The following NUDT3 variants were observed in gnomAD, a reference collection of about 807,000 sequenced individuals.
The protein encoded by NUDT3 is nudix hydrolase 3, also known as diphosphoinositol polyphosphate phosphohydrolase 1.
In NUDT3, 9 loss-of-function variants were observed where a neutral mutation model predicts 23.6. The observed-to-expected ratio is 0.38, with a 90% CI of 0.23 to 0.66. The LOEUF is 0.66. Among genes scored for constraint, NUDT3 ranks in the 30% least tolerant of loss-of-function variants. NUDT3 has a pLI of 0.52. For synonymous variants in NUDT3, 86 were observed against 82.6 expected, an observed-to-expected ratio of 1.04 and a Z score of -0.22; for missense variants, 172 against 218.5, an observed-to-expected ratio of 0.79 and a Z score of 1.34.
rs552767170 is a variant in NUDT3 at position 34,332,103 on chromosome 6, C to T, written c.210+9759G>A. Among the ~76,000 whole-genome samples, 10 of 152,146 alleles carry T rather than the reference C, an allele frequency of 6.6e-5. No individual in the cohort carries two copies. The East Asian group carries it at 1.7e-3, about 26-fold the overall frequency. ...GTCTCACTATGTTGCCCAGGCTGTT[C>T]TCAAACTCCTAACCTCTAGCCACCA... On this transcript the variant is annotated intron_variant, in intron 2 of 4. Coordinates refer to ENST00000607016, the MANE Select transcript of NUDT3 (RefSeq NM_006703.4).
intron 2 of NUDT3, among the ~76,000 whole-genome samples, chr6:34,310,252 G>A (rs1159741242): frequency 2.0e-5 from 3 of 151,816 alleles, no homozygotes; most frequent in African/African-American, 7.3e-5. Flanking sequence ...AACAAAAGCA[G>A]GGTATGGTGG....
Position 34,357,725 on chromosome 6 carries a change from G to A in NUDT3, c.100-15753C>T, listed in dbSNP as rs975409110. Among the ~76,000 whole-genome samples the A allele has an allele frequency of 2.6e-5, 4 of 152,104 alleles. No individual in the cohort carries two copies. In the South Asian group the frequency reaches 8.3e-4, roughly 32 times the overall value. Reference sequence around the variant, plus strand: ...TTATTTTTTAAAAGAAACCTGCTGAGATTTTGATTAGTATTATAAAACCAA... The same window carrying A: ...TTATTTTTTAAAAGAAACCTGCTGAAATTTTGATTAGTATTATAAAACCAA... On this transcript the variant is annotated intron_variant, in intron 1 of 4. Transcript: ENST00000607016.
intron 2 of NUDT3, among the ~76,000 whole-genome samples, chr6:34,305,176 T>A (rs1763661787): frequency 6.7e-6 from 1 of 149,804 alleles, no homozygotes; most frequent in Non-Finnish European, 1.5e-5. Flanking sequence ...AGAGATGGGG[T>A]TTTACCATGT....
intron 4 of NUDT3, among the ~76,000 whole-genome samples, chr6:34,291,053 G>T (rs1279345475): frequency 6.6e-6 from 1 of 151,726 alleles, no homozygotes; most frequent in Non-Finnish European, 1.5e-5. Context: ...TCCGCCTCCC[G>T]GGTTCAAGCA....
chr6:34,342,848 C>T (rs990069454), intron 1 of NUDT3, among the ~76,000 whole-genome samples: 1 of 152,180 alleles, frequency 6.6e-6, no homozygotes, highest in Non-Finnish European at 1.5e-5. Context: ...AAATGAAATG[C>T]TACTTCCTTC....
intron 1 of NUDT3, among the ~76,000 whole-genome samples, chr6:34,372,627 A>G (rs1220773236): frequency 6.6e-6 from 1 of 151,958 alleles, no homozygotes; most frequent in Non-Finnish European, 1.5e-5. Flanking sequence ...CAACATGGAG[A>G]AATCCCATTT....
At chr6:34,297,750 TA>T (rs1561899081) in intron 2 of NUDT3, among the ~76,000 whole-genome samples, 1 of 101,916 alleles carries the variant, frequency 9.8e-6, no homozygotes, top group Non-Finnish European at 1.8e-5. Flanking sequence ...TATATATATA[TA>T]TATATATAAT....
Position 34,375,111 on chromosome 6 carries a change from G to A in NUDT3, c.99+17153C>T, listed in dbSNP as rs206928. The stretch of plus-strand genomic sequence containing the variant: ...CCTGTAATCCCAGCACTTTGGCCGA[G>A]GTAGGCGGATCACCCGAGGTCAGGA... On this transcript the variant is annotated intron_variant, in intron 1 of 4. Coordinates refer to ENST00000607016, the MANE Select transcript of NUDT3 (RefSeq NM_006703.4). Among the ~76,000 whole-genome samples, 336 of 152,314 alleles carry A rather than the reference G, an allele frequency of 2.2e-3. 1 individual carries two copies. Among genetic ancestry groups the A allele is most frequent in the African/African-American group, 7.7e-3 (318 of 41,556 alleles).
chr6:34,324,641 A>C lies in NUDT3; in HGVS notation c.210+17221T>G, dbSNP rs559588948. On this transcript the variant is annotated intron_variant, in intron 2 of 4. Transcript: ENST00000607016. ...TTAGTCAAAAGCACCTATATATTTA[A>C]AACTAAAATGGTCACTAACACAAAT... 3.9e-5 allele frequency among the ~76,000 whole-genome samples: 6 copies of C among 152,332 alleles called. No individual in the cohort carries two copies. The South Asian group carries it at 1.2e-3, about 32-fold the overall frequency.
At chr6:34,347,954 C>A (rs1013986821) in intron 1 of NUDT3, among the ~76,000 whole-genome samples, 1 of 151,082 alleles carries the variant, frequency 6.6e-6, no homozygotes, top group Non-Finnish European at 1.5e-5. Flanking sequence ...GGGCAACATA[C>A]TGAAACCCCC....
Position 34,282,925 on chromosome 6 carries a change from A to G in NUDT3, c.*5828T>C, listed in dbSNP as rs762420197. The G allele has an allele frequency of 6.6e-5, 10 of 152,202 alleles. No homozygotes were observed. The highest frequency in any genetic ancestry group is 1.5e-4 in the Non-Finnish European group (10 of 68,036). The allele number at this position is 152,202 out of a possible 1,614,324, so 9.4% of individuals were successfully genotyped here. ...GCAATGACTTCTTTCCACCTTCTAG[A>G]TAGTAATCTTACTTTTGTTGGCTAA... is the stretch of plus-strand genomic sequence containing the variant. On this transcript the variant is annotated 3_prime_UTR_variant, in exon 5 of 5. Coordinates refer to ENST00000607016, the MANE Select transcript of NUDT3 (RefSeq NM_006703.4).
Position 34,341,910 on chromosome 6 carries a change from C to G in NUDT3, c.162G>C (p.Glu54Asp). 1 of 1,614,126 alleles carries G rather than the reference C, an allele frequency of 6.2e-7. No homozygotes were observed. The highest frequency in any genetic ancestry group is 8.5e-7 in the Non-Finnish European group (1 of 1,179,990). The change falls in exon 2 of 5, where the codon GAG becomes GAC. Residue 54 changes from glutamate (E) to aspartate (D), a missense_variant. This residue lies in a region of NUDT3 where 59 missense variants were observed against 107.4 expected (regional missense o/e 0.55). Coordinates refer to ENST00000607016, the MANE Select transcript of NUDT3 (RefSeq NM_006703.4). ...CTGCCACACTTGGCTCCTCCTCGGG[C>G]TCCATGCCTCCTCCAGGGACAATCC... ...DRWIVPGGGM[E>D]PEEEPSVAAV...
At chr6:34,360,871 T>TAA (rs144251079) in intron 1 of NUDT3, among the ~76,000 whole-genome samples, 14,500 of 151,854 alleles carry the variant, frequency 0.095, 795 homozygotes, top group Non-Finnish European at 0.12. Flanking sequence ...AATTCAACAA[T>TAA]AAAAAAACCC....
Position 34,280,845 on chromosome 6 carries a change from GCTCT to G in NUDT3, c.*7904_*7907del, listed in dbSNP as rs148941490. 2 of 152,238 alleles carry G rather than the reference GCTCT, an allele frequency of 1.3e-5. No homozygotes were observed. Among genetic ancestry groups the G allele is most frequent in the African/African-American group, 4.8e-5 (2 of 41,534 alleles). The allele number at this position is 152,238 out of a possible 1,614,324, so 9.4% of individuals were successfully genotyped here. On this transcript the variant is annotated 3_prime_UTR_variant, in exon 5 of 5. Transcript: ENST00000607016. Reference sequence around the variant, plus strand: ...TGGTCCCTGGGTACATGGGTCCCTGGCTCTCTGTCTCAGTTCCACAGATATTACT... The same window carrying G: ...TGGTCCCTGGGTACATGGGTCCCTGGCTGTCTCAGTTCCACAGATATTACT...
intron 2 of NUDT3, among the ~76,000 whole-genome samples, chr6:34,299,872 C>A (rs966788863): frequency 2.0e-5 from 3 of 150,726 alleles, no homozygotes; most frequent in African/African-American, 7.3e-5. Flanking sequence ...CACTGCACTC[C>A]AGCCTGGGTG....
At chr6:34,386,646 T>C (rs957837980) in intron 1 of NUDT3, among the ~76,000 whole-genome samples, 1 of 152,168 alleles carries the variant, frequency 6.6e-6, no homozygotes, top group Non-Finnish European at 1.5e-5. Context: ...AATATAGTCA[T>C]GGACTATATA....
intron 2 of NUDT3, among the ~76,000 whole-genome samples, chr6:34,305,877 G>A (rs764325702): frequency 2.0e-5 from 3 of 152,108 alleles, no homozygotes; most frequent in Non-Finnish European, 2.9e-5. Flanking sequence ...TTCTATCAGA[G>A]TATATACAGT....
intron 1 of NUDT3, among the ~76,000 whole-genome samples, chr6:34,390,293 CA>C (rs755995171): frequency 1.1e-3 from 147 of 134,606 alleles, no homozygotes; most frequent in Non-Finnish European, 1.0e-3. Flanking sequence ...GAGTCGGTCT[CA>C]AAAAAAAAAA....
chr6:34,311,281 A>G lies in NUDT3; in HGVS notation c.211-15596T>C, dbSNP rs866482118. 3.3e-5 allele frequency among the ~76,000 whole-genome samples: 5 copies of G among 152,320 alleles called. No homozygotes were observed. The South Asian group carries it at 1.0e-3, about 32-fold the overall frequency. On this transcript the variant is annotated intron_variant, in intron 2 of 4. Transcript: ENST00000607016. ...GTACAAAAGTCAATTGCTTTTCTACATCCCAAGAATAAACAAGTAGAATTT... is the reference window on the plus strand; with the variant it reads ...GTACAAAAGTCAATTGCTTTTCTACGTCCCAAGAATAAACAAGTAGAATTT...
Sources: gnomAD v4.1 joint callset for allele counts (sites outside exome capture counted in the v4.1 genomes callset) on GRCh38, gnomAD v4.1.1 for gene constraint, gnomAD v4.1.1 regional missense constraint, MANE v1.5 for transcripts, NCBI Gene and HGNC (gene_info 2026-07-23, HGNC 2026-07-21) for gene names.